ANO10: variants seen among roughly 807,000 people sequenced by gnomAD.
ANO10 encodes anoctamin-10.
ANO10 carries 77 observed loss-of-function variants against 74.7 expected under a neutral mutation model. The ratio of observed to expected loss-of-function variants is 1.03; its 90% confidence interval spans 0.86 to 1.25. The LOEUF is 1.25. ANO10 is among the 50% of genes most tolerant of loss of function. ANO10 has a pLI of 0.00. For synonymous variants in ANO10, 279 were observed against 284.9 expected, an observed-to-expected ratio of 0.98 and a Z score of 0.21; for missense variants, 721 against 778.1, an observed-to-expected ratio of 0.93 and a Z score of 0.87.
intron 1 of ANO10, among the ~76,000 whole-genome samples, chr3:43,670,345 TAAATAAATA>T (rs1466430982): frequency 6.6e-6 from 1 of 151,000 alleles, no homozygotes; most frequent in Admixed American, 6.6e-5. Context: ...AATAAATAAA[TAAATAAATA>T]AAATAATAAA....
At position 43,566,250 on chromosome 3, in the gene ANO10, G is replaced by C. The variant is rs1398037900; in HGVS notation, c.1219-523C>G. Among the ~76,000 whole-genome samples, 8 of 152,236 alleles carry C rather than the reference G, an allele frequency of 5.3e-5. No individual in the cohort carries two copies. The East Asian group carries it at 1.3e-3, about 26-fold the overall frequency. On this transcript the variant is annotated intron_variant, in intron 7 of 12. Transcript: ENST00000292246. ...AGATCAAACTGCAAGGCGGCAGCGAGGCTGGGGGAGGGGCGCCCGCCATTG... is the reference window on the plus strand; with the variant it reads ...AGATCAAACTGCAAGGCGGCAGCGACGCTGGGGGAGGGGCGCCCGCCATTG...
At chr3:43,524,568 G>A (rs1221376242) in intron 11 of ANO10, among the ~76,000 whole-genome samples, 1 of 152,128 alleles carries the variant, frequency 6.6e-6, no homozygotes, top group East Asian at 1.9e-4. Flanking sequence ...GTTGGGGCAG[G>A]TGAGAAAGGG....
chr3:43,419,707 G>T (rs1264884885), intron 12 of ANO10, among the ~76,000 whole-genome samples: 1 of 151,844 alleles, frequency 6.6e-6, no homozygotes, highest in African/African-American at 2.4e-5. Context: ...GTAGAGATGG[G>T]GTTTCACCAT....
intron 1 of ANO10, among the ~76,000 whole-genome samples, chr3:43,654,611 AACCAAACCC>A (rs150763881): frequency 0.011 from 1,638 of 152,318 alleles, 14 homozygotes; most frequent in Non-Finnish European, 0.017. Flanking sequence ...CTAGTAACAC[AACCAAACCC>A]AGTTTGGTGA....
chr3:43,400,099 A>C (rs2092452220), intron 12 of ANO10, among the ~76,000 whole-genome samples: 1 of 151,928 alleles, frequency 6.6e-6, no homozygotes, highest in Non-Finnish European at 1.5e-5. Flanking sequence ...ATGTTACAAA[A>C]ATTTCTCAAA....
intron 11 of ANO10, among the ~76,000 whole-genome samples, chr3:43,464,670 C>A (rs1003652178): frequency 2.6e-5 from 4 of 151,806 alleles, no homozygotes; most frequent in Non-Finnish European, 4.4e-5. Flanking sequence ...CAGACAGAGA[C>A]CCCATATAAA....
intron 1 of ANO10, among the ~76,000 whole-genome samples, chr3:43,630,128 A>G (rs1480175719): frequency 6.6e-6 from 1 of 152,246 alleles, no homozygotes; most frequent in African/African-American, 2.4e-5. Flanking sequence ...AATCTGAATT[A>G]AAGAGGAGTT....
chr3:43,635,945 G>A (rs2149561196), intron 1 of ANO10, among the ~76,000 whole-genome samples: 1 of 151,794 alleles, frequency 6.6e-6, no homozygotes, highest in South Asian at 2.1e-4. Flanking sequence ...TCTTTGAGTG[G>A]TCCAATGTGT....
chr3:43,406,531 G>GC (rs72143955), intron 12 of ANO10, among the ~76,000 whole-genome samples: 3,664 of 152,268 alleles, frequency 0.024, 151 homozygotes, highest in African/African-American at 0.082. Flanking sequence ...ATGAGCACAT[G>GC]GAGAACTGCC....
chr3:43,555,361 C>A lies in ANO10; in HGVS notation c.1585G>T (p.Glu529Ter), dbSNP rs1303561743. ...AAFAVLNNFT[E>*]VNSDALKMCR... ...ATTTTTAAGGCATCTGAATTTACTT[C>A]AGTGAAGTTATTTAACACAGCAAAG... The change falls in exon 10 of 13, where the codon GAA becomes TAA. Residue 529 changes from glutamate to a stop codon, truncating the protein, a stop_gained. Coordinates refer to ENST00000292246, the MANE Select transcript of ANO10 (RefSeq NM_018075.5). LOFTEE classifies it high-confidence loss of function. 6.2e-7 allele frequency: 1 copy of A among 1,614,132 alleles called. No individual in the cohort carries two copies. Among genetic ancestry groups the A allele is most frequent in the Admixed American group, 1.7e-5 (1 of 60,016 alleles).
rs554712119 is a variant in ANO10, at chr3:43,412,536, T to A, written c.1914+20075A>T. The stretch of plus-strand genomic sequence containing the variant: ...CTGCAAAGCTGTTCCCATTCCAGAG[T>A]GCGCCCTGGCACTTCCGAAGCAACT... On this transcript the variant is annotated intron_variant, in intron 12 of 12. Transcript: ENST00000292246. Among the ~76,000 whole-genome samples, 6 of 152,246 alleles carry A rather than the reference T, an allele frequency of 3.9e-5. No homozygotes were observed. In the East Asian group the frequency reaches 1.2e-3, roughly 29 times the overall value.
chr3:43,375,608 G>C (rs139373214), intron 12 of ANO10, among the ~76,000 whole-genome samples: 13 of 152,276 alleles, frequency 8.5e-5, no homozygotes, highest in Non-Finnish European at 1.8e-4. Context: ...CTCAGATGCG[G>C]AGACACTTCC....
chr3:43,554,720 T>TG (rs111482474), intron 10 of ANO10, among the ~76,000 whole-genome samples: 2,841 of 152,226 alleles, frequency 0.019, 79 homozygotes, highest in African/African-American at 0.063. Flanking sequence ...ATGGGTGCTC[T>TG]GCTTCCCACT....
chr3:43,397,590 C>A (rs2092406132), intron 12 of ANO10, among the ~76,000 whole-genome samples: 3 of 152,224 alleles, frequency 2.0e-5, no homozygotes, highest in Admixed American at 2.0e-4. Context: ...TTACTCAACA[C>A]CTCGTGTATT....
intron 1 of ANO10, among the ~76,000 whole-genome samples, chr3:43,662,162 C>G (rs1416266627): frequency 6.6e-6 from 1 of 152,168 alleles, no homozygotes; most frequent in South Asian, 2.1e-4. Flanking sequence ...GGAAGTAAAA[C>G]ACTCCTTAGC....
At chr3:43,501,221 T>G (rs2077089698) in intron 11 of ANO10, among the ~76,000 whole-genome samples, 1 of 152,142 alleles carries the variant, frequency 6.6e-6, no homozygotes, top group Non-Finnish European at 1.5e-5. Flanking sequence ...TGCAGTCACA[T>G]GGCAAGAGAG....
chr3:43,550,013 GA>G (rs34777385), intron 10 of ANO10, among the ~76,000 whole-genome samples, 165 bp from the exon 11 acceptor site: 1 of 151,102 alleles, frequency 6.6e-6, no homozygotes, highest in Non-Finnish European at 1.5e-5. Context: ...TTTTTTAGCT[GA>G]AAAAAAAGCC....
At chr3:43,471,994 T>C (rs2075874763) in intron 11 of ANO10, among the ~76,000 whole-genome samples, 2 of 152,014 alleles carry the variant, frequency 1.3e-5, no homozygotes, top group African/African-American at 4.8e-5. Context: ...ATCAAAATAT[T>C]CCTCTTCTAC....
intron 12 of ANO10, among the ~76,000 whole-genome samples, chr3:43,388,584 T>C (rs917997013): frequency 3.3e-5 from 5 of 152,202 alleles, no homozygotes; most frequent in African/African-American, 1.2e-4. Context: ...CTAATGGATA[T>C]TAAAAAGTTC....
Sources: gnomAD v4.1 joint callset for allele counts (sites outside exome capture counted in the v4.1 genomes callset) on GRCh38, gnomAD v4.1.1 for gene constraint, MANE v1.5 for transcripts, NCBI Gene and HGNC (gene_info 2026-07-23, HGNC 2026-07-21) for gene names.